SUPT3H: variants seen among roughly 807,000 people sequenced by gnomAD.
SUPT3H encodes SPT3 homolog, SAGA and STAGA complex component.
In SUPT3H, 44 loss-of-function variants were observed where a neutral mutation model predicts 44.3. The ratio of observed to expected loss-of-function variants is 0.99; its 90% CI spans 0.78 to 1.28. SUPT3H has a LOEUF of 1.28. Ranked by LOEUF, SUPT3H falls within the 50% of genes most tolerant of loss-of-function variation. The pLI is 0.00. For missense variants in SUPT3H, 380 were observed against 387.1 expected, an observed-to-expected ratio of 0.98 and a Z score of 0.15; for synonymous variants, 124 against 125.6, an observed-to-expected ratio of 0.99 and a Z score of 0.09.
intron 2 of SUPT3H, among the ~76,000 whole-genome samples, chr6:45,280,705 G>A (rs1308155690): frequency 1.3e-5 from 2 of 152,156 alleles, no homozygotes; most frequent in Non-Finnish European, 2.9e-5. Flanking sequence ...GTCTATTGTG[G>A]ATAAGAGGAA....
chr6:45,350,971 G>A (rs953877770), intron 2 of SUPT3H, among the ~76,000 whole-genome samples: 2 of 152,016 alleles, frequency 1.3e-5, no homozygotes, highest in Non-Finnish European at 2.9e-5. Flanking sequence ...TAGATTCTCC[G>A]ACCCTATAGT....
intron 10 of SUPT3H, among the ~76,000 whole-genome samples, chr6:44,839,901 C>T (rs903991936): frequency 4.6e-5 from 7 of 152,050 alleles, no homozygotes; most frequent in Non-Finnish European, 7.4e-5. Context: ...GGGGTTTCAC[C>T]GTGTTAGCCA....
chr6:45,240,757 T>C (rs1271116212), intron 2 of SUPT3H, among the ~76,000 whole-genome samples: 1 of 152,112 alleles, frequency 6.6e-6, no homozygotes, highest in Non-Finnish European at 1.5e-5. Flanking sequence ...TACGGCAAGT[T>C]CCTATTATTT....
intron 10 of SUPT3H, among the ~76,000 whole-genome samples, chr6:44,869,611 C>T (rs1776041165): frequency 6.6e-6 from 1 of 152,158 alleles, no homozygotes; most frequent in South Asian, 2.1e-4. Flanking sequence ...TACCTAAATG[C>T]AAAGAAATAT....
intron 2 of SUPT3H, among the ~76,000 whole-genome samples, chr6:45,157,816 G>T (rs973269081): frequency 1.3e-5 from 2 of 151,590 alleles, no homozygotes; most frequent in South Asian, 4.1e-4. Flanking sequence ...CAAGTGCTGG[G>T]ATTACAGGAG....
intron 2 of SUPT3H, among the ~76,000 whole-genome samples, chr6:45,225,954 C>A (rs1299635968): frequency 6.6e-6 from 1 of 152,030 alleles, no homozygotes; most frequent in Admixed American, 6.6e-5. Context: ...AGTACAATGA[C>A]AAAGAGGGCA....
At chr6:45,247,204 T>G (rs905705590) in intron 2 of SUPT3H, among the ~76,000 whole-genome samples, 2 of 152,144 alleles carry the variant, frequency 1.3e-5, no homozygotes, top group South Asian at 4.1e-4. Context: ...CAAAATTCAC[T>G]GAAGTAGAAA....
chr6:45,200,204 T>C (rs73451325), intron 2 of SUPT3H, among the ~76,000 whole-genome samples: 2,040 of 151,674 alleles, frequency 0.013, 54 homozygotes, highest in African/African-American at 0.047. Context: ...CTTATTCAAT[T>C]CTACAAATGT....
At chr6:45,244,125 C>T (rs1178587514) in intron 2 of SUPT3H, among the ~76,000 whole-genome samples, 1 of 152,126 alleles carries the variant, frequency 6.6e-6, no homozygotes, top group Non-Finnish European at 1.5e-5. Context: ...CTCAAGTGAT[C>T]CTTGGCCTCC....
intron 3 of SUPT3H, among the ~76,000 whole-genome samples, chr6:45,049,479 G>A (rs1318082637): frequency 6.6e-6 from 1 of 152,044 alleles, no homozygotes; most frequent in Non-Finnish European, 1.5e-5. Flanking sequence ...CAAAATAAGG[G>A]GTATGGATTT....
intron 10 of SUPT3H, among the ~76,000 whole-genome samples, chr6:44,886,225 T>C (rs1381865530): frequency 6.6e-6 from 1 of 152,042 alleles, no homozygotes; most frequent in African/African-American, 2.4e-5. Context: ...TTCCCCAATC[T>C]AGCAAGGCAG....
chr6:45,179,610 G>C (rs9395075), intron 2 of SUPT3H, among the ~76,000 whole-genome samples: 1 of 151,938 alleles, frequency 6.6e-6, no homozygotes, highest in South Asian at 2.1e-4. Context: ...GCATATCAAC[G>C]GAACCAAAGA....
chr6:44,994,710 A>G (rs1333142166), intron 6 of SUPT3H, among the ~76,000 whole-genome samples: 1 of 152,132 alleles, frequency 6.6e-6, no homozygotes, highest in Non-Finnish European at 1.5e-5. Flanking sequence ...TTCTATAGTC[A>G]TTTGTGCTCC....
chr6:45,092,363 C>T (rs547854751), intron 3 of SUPT3H, among the ~76,000 whole-genome samples: 25 of 152,236 alleles, frequency 1.6e-4, no homozygotes, highest in African/African-American at 5.8e-4. Flanking sequence ...TACTGATAAA[C>T]ATCATTTTCA....
At chr6:45,290,839 A>AGTCTCATTTCAC (rs1338475655) in intron 2 of SUPT3H, among the ~76,000 whole-genome samples, 16 of 152,152 alleles carry the variant, frequency 1.1e-4, no homozygotes, top group Admixed American at 6.5e-5. Flanking sequence ...AGGCTTTTCT[A>AGTCTCATTTCAC]GTCTCATTTC....
At position 44,954,536 on chromosome 6, in the gene SUPT3H, T is replaced by G; in HGVS notation, c.652A>C (p.Met218Leu). 1 of 1,614,174 alleles carries G rather than the reference T, an allele frequency of 6.2e-7. No individual in the cohort carries two copies. Among genetic ancestry groups the G allele is most frequent in the Non-Finnish European group, 8.5e-7 (1 of 1,180,032 alleles). The change falls in exon 8 of 11, where the codon ATG becomes CTG. Residue 218 changes from methionine to leucine, a missense_variant. Physicochemically the swap from Met to Leu is conservative, Grantham distance 15. Transcript: ENST00000371459. Reference protein sequence around the residue: ...SMEIKPNVVAMEILAYLAYET... With the variant: ...SMEIKPNVVALEILAYLAYET... The stretch of plus-strand genomic sequence containing the variant: ...TACGCTAAATATGCTAAGATTTCCA[T>G]TGCGACAACATTGGGTTTTATCTCC...
intron 3 of SUPT3H, among the ~76,000 whole-genome samples, chr6:45,030,608 C>G (rs1232298584): frequency 3.3e-5 from 5 of 152,146 alleles, no homozygotes; most frequent in Admixed American, 3.3e-4. Context: ...ATGGCTGGAT[C>G]AGGGTACTAA....
At chr6:45,371,855 A>C (rs1177171034) in intron 1 of SUPT3H, 3 of 983,020 alleles carry the variant, frequency 3.1e-6, no homozygotes, top group Non-Finnish European at 3.6e-6. Context: ...CAGTTTGAAA[A>C]TCACTAATTT....
chr6:45,250,333 GA>G (rs550978728), intron 2 of SUPT3H, among the ~76,000 whole-genome samples: 3 of 142,018 alleles, frequency 2.1e-5, no homozygotes, highest in Admixed American at 1.4e-4. Context: ...TTCTTTCAAT[GA>G]AAAAAAAATG....
Sources: allele counts gnomAD v4.1 joint callset (sites outside exome capture counted in the v4.1 genomes callset), GRCh38; gene constraint gnomAD v4.1.1; transcripts MANE v1.5; gene names NCBI Gene and HGNC (gene_info 2026-07-23, HGNC 2026-07-21).